Variants in ZSCAN25 observed in about 807,000 individuals in gnomAD.
ZSCAN25 encodes the protein zinc finger and SCAN domain containing 25.
Under a neutral mutation model 38.7 loss-of-function variants are expected in ZSCAN25, and 27 were observed. That is an observed-to-expected ratio of 0.70 (90% CI 0.51 to 0.96). The LOEUF (loss-of-function observed/expected upper bound fraction) is 0.96, where lower values mean the gene tolerates loss of function less well. Among genes scored for constraint, ZSCAN25 ranks in the 40% least tolerant of loss-of-function variants. The probability of loss-of-function intolerance (pLI) is 0.00; values close to 1 mark genes in which losing one functional copy is unlikely to be tolerated. For synonymous variants in ZSCAN25, 273 were observed against 277.7 expected (o/e 0.98, Z 0.17); for missense variants, 637 against 705.9 (o/e 0.90, Z 1.11).
At chr7:99,627,658 TGTATACTATATAC>T (rs1359990389) in intron 7 of ZSCAN25, among the ~76,000 whole-genome samples, 2 of 151,178 alleles carry the variant, frequency 1.3e-5, no homozygotes, top group Non-Finnish European at 2.9e-5. Flanking sequence ...ATAGTATATA[TGTATACTATATAC>T]GTATATCATG....
chr7:99,650,545 A>G, the ZSCAN25 span, among the ~76,000 whole-genome samples: 1 of 152,252 alleles, frequency 6.6e-6, no homozygotes, highest in East Asian at 1.9e-4. Flanking sequence ...TAAAAGGCAC[A>G]TAAATGATAA....
At chr7:99,653,156 C>T in the ZSCAN25 span, among the ~76,000 whole-genome samples, 1 of 152,252 alleles carries the variant, frequency 6.6e-6, no homozygotes, top group Non-Finnish European at 1.5e-5. The surrounding 1 kb of genome is among the most constrained non-coding windows in gnomAD (Gnocchi z 4.2). Context: ...CACATCTGTA[C>T]CAAGAAAGAA....
the ZSCAN25 span, among the ~76,000 whole-genome samples, chr7:99,643,362 C>T: frequency 2.0e-5 from 3 of 152,096 alleles, no homozygotes; most frequent in African/African-American, 7.2e-5. Flanking sequence ...GCCGGAAAGT[C>T]TCCTTACAAA....
At chr7:99,643,906 G>A in the ZSCAN25 span, among the ~76,000 whole-genome samples, 1 of 151,736 alleles carries the variant, frequency 6.6e-6, no homozygotes, top group African/African-American at 2.4e-5. Context: ...CAAAAAGGAA[G>A]GAAGCTTCAT....
the ZSCAN25 span, among the ~76,000 whole-genome samples, chr7:99,686,352 G>A: frequency 3.3e-5 from 5 of 152,336 alleles, 1 homozygote; most frequent in African/African-American, 1.2e-4. Context: ...CACACCAGGA[G>A]ATTATATCCT....
the ZSCAN25 span, chr7:99,685,032 G>T: frequency 1.2e-6 from 1 of 804,524 alleles, no homozygotes; most frequent in Non-Finnish European, 2.1e-6. Context: ...CAGTACAGTG[G>T]ATGAAGCCCA....
rs901436376 is a variant in ZSCAN25 at position 99,632,040 on chromosome 7, G to T, written c.*2020G>T. 3 of 985,484 alleles carry T rather than the reference G, an allele frequency of 3.0e-6. No homozygotes were observed. The highest frequency in any genetic ancestry group is 3.6e-6 in the Non-Finnish European group (3 of 829,966). 61.0% of individuals were successfully genotyped at this position (985,484 alleles called of 1,614,324 possible). ...CTGGGGAGGCCTCGGGGGGCTGCTT[G>T]TCATTACCTGAATCACAGATGCTCT... On this transcript the variant is annotated 3_prime_UTR_variant, in exon 8 of 8. Coordinates refer to ENST00000394152, the MANE Select transcript of ZSCAN25 (RefSeq NM_145115.3).
chr7:99,643,625 C>A, the ZSCAN25 span, among the ~76,000 whole-genome samples: 1 of 151,962 alleles, frequency 6.6e-6, no homozygotes, highest in Non-Finnish European at 1.5e-5. Flanking sequence ...TCTTGCCCTG[C>A]CAATCATCCC....
chr7:99,619,620 A>G lies in ZSCAN25; in HGVS notation c.14A>G (p.His5Arg). Residue 5 changes from histidine to arginine, a missense_variant, in exon 4 of 8, where the codon CAT (histidine) becomes CGT (arginine). Transcript: ENST00000394152. MLKE[H>R]PEMAEAPQQQ... Reference sequence around the variant, plus strand: ...GGGAGTCTGAAGATGCTTAAAGAGCATCCAGAGATGGCGGAAGCTCCTCAG... The same window carrying G: ...GGGAGTCTGAAGATGCTTAAAGAGCGTCCAGAGATGGCGGAAGCTCCTCAG... 2 of 1,613,478 alleles carry G rather than the reference A, an allele frequency of 1.2e-6. No individual in the cohort carries two copies. The highest frequency in any genetic ancestry group is 1.7e-6 in the Non-Finnish European group (2 of 1,179,550).
At chr7:99,663,191 G>T in the ZSCAN25 span, 2 of 1,108,090 alleles carry the variant, frequency 1.8e-6, no homozygotes, top group Non-Finnish European at 2.2e-6. Flanking sequence ...TTCCATCTCT[G>T]GTCATAACTG....
the ZSCAN25 span, among the ~76,000 whole-genome samples, chr7:99,684,169 A>AT: frequency 0.017 from 2,322 of 137,076 alleles, 36 homozygotes; most frequent in African/African-American, 0.042. Flanking sequence ...AAAAGGCATA[A>AT]TTTTTTTTTT....
the ZSCAN25 span, chr7:99,680,004 A>G: frequency 1.1e-6 from 1 of 934,758 alleles, no homozygotes; most frequent in Non-Finnish European, 1.8e-6. Flanking sequence ...AGCAGTCTTC[A>G]GCCAAGCTGC....
the ZSCAN25 span, among the ~76,000 whole-genome samples, chr7:99,670,614 T>C: frequency 8.5e-5 from 13 of 152,240 alleles, no homozygotes; most frequent in East Asian, 7.7e-4. Context: ...GTTCAACTTA[T>C]AGAAAAATTT....
chr7:99,721,403 A>G, the ZSCAN25 span, among the ~76,000 whole-genome samples: 1 of 152,230 alleles, frequency 6.6e-6, no homozygotes, highest in African/African-American at 2.4e-5. Context: ...TTGAAATGAA[A>G]GAGTTTTGGC....
chr7:99,631,762 G>T lies in ZSCAN25; in HGVS notation c.*1742G>T, dbSNP rs559886369. The T allele has an allele frequency of 2.0e-6, 2 of 985,266 alleles. No individual in the cohort carries two copies. Among genetic ancestry groups the T allele is most frequent in the East Asian group, 1.1e-4 (1 of 8,830 alleles). 61.0% of individuals were successfully genotyped at this position (985,266 alleles called of 1,614,324 possible). ...GTCTAATTTTGGCTTAGCAAATGAC[G>T]CTCCTTGGTCTTCCTGGCTCATTAG... is the stretch of plus-strand genomic sequence containing the variant. On this transcript the variant is annotated 3_prime_UTR_variant, in exon 8 of 8. Transcript: ENST00000394152.
the ZSCAN25 span, among the ~76,000 whole-genome samples, chr7:99,723,897 A>C: frequency 6.6e-6 from 1 of 152,254 alleles, no homozygotes; most frequent in East Asian, 1.9e-4. Context: ...TTGGTGTCTA[A>C]ATCACTGCCA....
the ZSCAN25 span, chr7:99,660,631 C>G: frequency 6.2e-7 from 1 of 1,613,880 alleles, no homozygotes; most frequent in Non-Finnish European, 8.5e-7. Flanking sequence ...AGATTATTGA[C>G]TGGGCTGCGA....
chr7:99,649,387 A>G, the ZSCAN25 span, among the ~76,000 whole-genome samples: 16 of 152,210 alleles, frequency 1.1e-4, no homozygotes, highest in Non-Finnish European at 2.2e-4. Flanking sequence ...ATATGAATCA[A>G]TGACATCTGT....
chr7:99,655,549 C>T, the ZSCAN25 span, among the ~76,000 whole-genome samples: 1 of 152,166 alleles, frequency 6.6e-6, no homozygotes, highest in Non-Finnish European at 1.5e-5. Flanking sequence ...TTAGGATTGA[C>T]TTGGCAATGC....
Sources: gnomAD v4.1 joint callset for allele counts (sites outside exome capture counted in the v4.1 genomes callset) on GRCh38, gnomAD v4.1.1 for gene constraint, Gnocchi (gnomAD v3.1) non-coding constraint, MANE v1.5 for transcripts, NCBI Gene and HGNC (gene_info 2026-07-23, HGNC 2026-07-21) for gene names.